The following POLR3A variants were observed in gnomAD, a reference collection of about 807,000 sequenced individuals.
POLR3A encodes DNA-directed RNA polymerase III subunit RPC1.
In POLR3A, 112 loss-of-function variants were observed where a neutral mutation model predicts 152.8. That is an observed-to-expected ratio of 0.73 (90% CI 0.63 to 0.86). The LOEUF is 0.86. POLR3A is among the 40% of genes least tolerant of loss of function. POLR3A has a pLI of 0.00. For synonymous variants in POLR3A, 615 were observed against 652.1 expected (o/e 0.94, Z 0.87); for missense variants, 1,385 against 1,743.1 (o/e 0.79, Z 3.66).
chr10:78,026,060 GAC>G (rs1451064341), intron 2 of POLR3A, 32 bp downstream of exon 2: 5 of 1,613,124 alleles, frequency 3.1e-6, no homozygotes, highest in Non-Finnish European at 2.5e-6. Context: ...AGCAGGGCAA[GAC>G]ACAGTTACCA....
rs759960707 is a variant in POLR3A, at chr10:77,984,241, G to T, written c.3300C>A (p.Leu1100=). ...DKDDDADYAR[L]VKGRIEKTLL... ...GGGTTTTCTCAATTCTCCCTTTCAC[G>T]AGGCGAGCATAATCCGCGTCGTCAT... The change falls in exon 25 of 31, where the codon CTC becomes CTA. Residue 1100 remains leucine (L), a synonymous_variant. Coordinates refer to ENST00000372371, the MANE Select transcript of POLR3A (RefSeq NM_007055.4). The T allele has an allele frequency of 6.2e-7, 1 of 1,612,630 alleles. No homozygotes were observed. The highest frequency in any genetic ancestry group is 8.5e-7 in the Non-Finnish European group (1 of 1,178,840).
Position 78,013,677 on chromosome 10 carries a change from A to G in POLR3A, c.1545T>C (p.Ala515=). The change falls in exon 11 of 31, where the codon GCT becomes GCC. Residue 515 remains alanine (A), a synonymous_variant. Coordinates refer to ENST00000372371, the MANE Select transcript of POLR3A (RefSeq NM_007055.4). ...MNLHLPQTEE[A]KAEALVLMGT... The stretch of plus-strand genomic sequence containing the variant: ...CCATCAGAACAAGGGCCTCTGCTTT[A>G]GCTTCTTCTGTTTGAGGAAGATGAA... 1.2e-6 allele frequency: 2 copies of G among 1,614,100 alleles called. No homozygotes were observed. Among genetic ancestry groups the G allele is most frequent in the Non-Finnish European group, 8.5e-7 (1 of 1,179,992 alleles).
At chr10:78,023,785 AAAAT>A (rs965411296) in intron 5 of POLR3A, among the ~76,000 whole-genome samples, 4 of 151,796 alleles carry the variant, frequency 2.6e-5, no homozygotes, top group African/African-American at 9.7e-5. Context: ...CTCAAAAATT[AAAAT>A]AAATAAATAA....
chr10:77,990,488 G>GAAA, intron 21 of POLR3A, among the ~76,000 whole-genome samples: 1 of 152,112 alleles, frequency 6.6e-6, no homozygotes, highest in African/African-American at 2.4e-5. Flanking sequence ...TCTAACAGGG[G>GAAA]AAAAAAACAT....
intron 15 of POLR3A, among the ~76,000 whole-genome samples, chr10:78,005,965 A>C (rs1847406622): frequency 6.6e-6 from 1 of 152,236 alleles, no homozygotes; most frequent in African/African-American, 2.4e-5. Flanking sequence ...AACATGAAAG[A>C]CAAAAGACAC....
intron 8 of POLR3A, 35 bp from the exon 9 acceptor site, chr10:78,019,300 A>G (rs1310585893): frequency 1.1e-5 from 14 of 1,298,526 alleles, no homozygotes; most frequent in Non-Finnish European, 1.6e-5. Context: ...AGTTACTCCC[A>G]GGTAACTAGA....
At chr10:77,979,368 TCGAA>T (rs1847118313) in intron 30 of POLR3A, among the ~76,000 whole-genome samples, 1 of 152,146 alleles carries the variant, frequency 6.6e-6, no homozygotes, top group South Asian at 2.1e-4. Context: ...GCTGGCCCTC[TCGAA>T]CCCCAGCCCC....
At chr10:78,019,054 A>G in intron 9 of POLR3A, 108 bp downstream of exon 9, 1 of 828,684 alleles carries the variant, frequency 1.2e-6, no homozygotes, top group South Asian at 1.4e-5. Flanking sequence ...CACATGCCAA[A>G]ATGTCACGCA....
At chr10:78,025,831 G>C in intron 2 of POLR3A, 72 bp from the exon 3 acceptor site, 1 of 1,391,084 alleles carries the variant, frequency 7.2e-7, no homozygotes, top group Non-Finnish European at 1.0e-6. Flanking sequence ...CATCATGCCT[G>C]GCTGGTGACA....
At chr10:77,980,309 C>T (rs1454861216) in intron 29 of POLR3A, 36 bp from the exon 30 acceptor site, 1 of 1,610,720 alleles carries the variant, frequency 6.2e-7, no homozygotes, top group Non-Finnish European at 8.5e-7. Context: ...GTGGTACTCA[C>T]ACCAATGGCA....
chr10:77,985,325 T>G lies in POLR3A; in HGVS notation c.3087A>C (p.Pro1029=). The stretch of plus-strand genomic sequence containing the variant: ...CACACAGAGCACCCACTGCAGAACC[T>G]GGCTCCATCTGTGCCCTAGAAGGCA... ...RDKYMRAQME[P]GSAVGALCAQ... The change falls in exon 24 of 31, where the codon CCA becomes CCC. Residue 1029 remains proline (P), a synonymous_variant. Coordinates refer to ENST00000372371, the MANE Select transcript of POLR3A (RefSeq NM_007055.4). The G allele has an allele frequency of 1.2e-6, 2 of 1,614,066 alleles. No individual in the cohort carries two copies. The highest frequency in any genetic ancestry group is 1.7e-6 in the Non-Finnish European group (2 of 1,179,906).
At position 78,019,159 on chromosome 10, in the gene POLR3A, T is replaced by A. The variant is rs750084731; in HGVS notation, c.1289+3A>T. On this transcript the variant is annotated splice_donor_region_variant and intron_variant, in intron 9 of 30. Transcript: ENST00000372371. ...AAATCCAACTAGATTGGGAAAAGAT[T>A]ACCTTTTCATCTGCGTATGTCTCTG... 7 of 1,598,970 alleles carry A rather than the reference T, an allele frequency of 4.4e-6. No individual in the cohort carries two copies. In the African/African-American group the frequency reaches 9.4e-5, roughly 21 times the overall value.
Position 77,980,382 on chromosome 10 carries a change from A to G in POLR3A, c.3892-109T>C, listed in dbSNP as rs551047706. ...ATCAACAAAAATCCTCCAAGACCCAACGTCAGGTGTGAAAGGCCCTGAGGA... is the reference window on the plus strand; with the variant it reads ...ATCAACAAAAATCCTCCAAGACCCAGCGTCAGGTGTGAAAGGCCCTGAGGA... On this transcript the variant is annotated intron_variant, in intron 29 of 30. Coordinates refer to ENST00000372371, the MANE Select transcript of POLR3A (RefSeq NM_007055.4). The G allele has an allele frequency of 2.4e-4, 246 of 1,044,344 alleles. 4 individuals are homozygous for G. The South Asian group carries it at 3.1e-3, about 13-fold the overall frequency. The allele number at this position is 1,044,344 out of a possible 1,614,324, so 64.7% of individuals were successfully genotyped here. A position where few individuals can be genotyped will look rare whatever the true frequency, so the allele number is the denominator to read the frequency against.
chr10:78,014,255 G>A (rs1009659951), intron 10 of POLR3A, among the ~76,000 whole-genome samples: 1 of 151,870 alleles, frequency 6.6e-6, no homozygotes, highest in African/African-American at 2.4e-5. Flanking sequence ...GGCTCCCACT[G>A]GCCAAGGATG....
At chr10:78,023,443 G>A (rs892438726) in intron 5 of POLR3A, among the ~76,000 whole-genome samples, 5 of 151,984 alleles carry the variant, frequency 3.3e-5, no homozygotes, top group Non-Finnish European at 5.9e-5. Flanking sequence ...CTGGGTGACT[G>A]AGCAACTCTG....
chr10:77,979,416 C>T (rs1312664816), intron 30 of POLR3A, among the ~76,000 whole-genome samples: 1 of 152,230 alleles, frequency 6.6e-6, no homozygotes, highest in East Asian at 1.9e-4. Flanking sequence ...GCAGGGTCTT[C>T]CTGCGGAATC....
At chr10:77,997,288 C>T (rs1847310867) in intron 19 of POLR3A, among the ~76,000 whole-genome samples, 1 of 152,058 alleles carries the variant, frequency 6.6e-6, no homozygotes, top group African/African-American at 2.4e-5. Context: ...TCCTATTCAA[C>T]ATAGTGTTGG....
rs1365795730 is a variant in POLR3A at position 78,002,182 on chromosome 10, G to A, written c.2359+15C>T. The A allele has an allele frequency of 1.0e-5, 16 of 1,524,204 alleles. No homozygotes were observed. The Admixed American group carries it at 2.7e-4, about 26-fold the overall frequency. 94.4% of individuals were successfully genotyped at this position (1,524,204 alleles called of 1,614,324 possible). A position where few individuals can be genotyped will look rare whatever the true frequency, so the allele number is the denominator to read the frequency against. ...GAGAACACACTGCCAGCAGGTGAGA[G>A]AGGGGCATGCAGACCTTTGGAGCCG... On this transcript the variant is annotated intron_variant, in intron 17 of 30. Transcript: ENST00000372371.
intron 19 of POLR3A, among the ~76,000 whole-genome samples, chr10:77,996,935 C>T (rs1000106977): frequency 6.6e-6 from 1 of 152,156 alleles, no homozygotes; most frequent in Admixed American, 6.5e-5. Context: ...CAAACCGAAT[C>T]CAGCAGCACA....
Sources: allele counts gnomAD v4.1 joint callset (sites outside exome capture counted in the v4.1 genomes callset), GRCh38; gene constraint gnomAD v4.1.1; transcripts MANE v1.5; gene names NCBI Gene and HGNC (gene_info 2026-07-23, HGNC 2026-07-21).